CTNNAL1: variants seen among roughly 807,000 people sequenced by gnomAD.
CTNNAL1 encodes catenin alpha like 1, also known as alpha-catulin.
CTNNAL1 carries 69 observed loss-of-function variants against 93.6 expected under a neutral mutation model. The observed-to-expected ratio is 0.74, with a 90% CI of 0.61 to 0.90. The LOEUF is 0.90. Among genes scored for constraint, CTNNAL1 ranks in the 40% least tolerant of loss-of-function variants. The pLI is 0.00. For missense variants in CTNNAL1, 836 were observed against 862.0 expected (o/e 0.97, Z 0.38); for synonymous variants, 286 against 305.4 (o/e 0.94, Z 0.66).
At chr9:109,009,778 C>G (rs891292491) in intron 1 of CTNNAL1, among the ~76,000 whole-genome samples, 2 of 152,168 alleles carry the variant, frequency 1.3e-5, no homozygotes, top group Admixed American at 1.3e-4. Context: ...ATAGGGATAA[C>G]TGATATGTCT....
intron 10 of CTNNAL1, among the ~76,000 whole-genome samples, chr9:108,969,099 G>A (rs1256544613): frequency 6.6e-6 from 1 of 151,822 alleles, no homozygotes; most frequent in Non-Finnish European, 1.5e-5. Flanking sequence ...GTGAAACCCT[G>A]TCTCTACTAA....
At chr9:108,992,410 A>C (rs912463503) in intron 3 of CTNNAL1, among the ~76,000 whole-genome samples, 2 of 151,386 alleles carry the variant, frequency 1.3e-5, no homozygotes, top group Non-Finnish European at 2.9e-5. Context: ...TTTTTTAAGC[A>C]ACGCTCAGAC....
At chr9:108,972,120 T>C (rs999266884) in intron 9 of CTNNAL1, among the ~76,000 whole-genome samples, 1 of 152,144 alleles carries the variant, frequency 6.6e-6, no homozygotes, top group Non-Finnish European at 1.5e-5. Context: ...CCTTGGGCTG[T>C]CTCTGGGCCT....
At chr9:108,987,096 C>T (rs947582224) in intron 4 of CTNNAL1, among the ~76,000 whole-genome samples, 4 of 152,056 alleles carry the variant, frequency 2.6e-5, no homozygotes, top group African/African-American at 9.7e-5. Flanking sequence ...GACATGAAGT[C>T]CTTGCCCATG....
intron 15 of CTNNAL1, among the ~76,000 whole-genome samples, chr9:108,945,463 CT>C (rs578073650): frequency 2.4e-3 from 323 of 135,416 alleles, no homozygotes; most frequent in Middle Eastern, 3.8e-3. Context: ...GGTTTTCTTC[CT>C]TTTTTTTTTT....
chr9:109,004,797 A>T (rs1826965912), intron 1 of CTNNAL1, among the ~76,000 whole-genome samples: 1 of 152,034 alleles, frequency 6.6e-6, no homozygotes, highest in Non-Finnish European at 1.5e-5. Flanking sequence ...AAAAAAATAA[A>T]TAAATAAATA....
rs1033019745 is a variant in CTNNAL1, at chr9:108,954,209, C to T, written c.1629+1581G>A. On this transcript the variant is annotated intron_variant, in intron 12 of 18. Coordinates refer to ENST00000325551, the MANE Select transcript of CTNNAL1 (RefSeq NM_003798.4). ...ATTTTGGAATGCAGTCAGATTCATT[C>T]GTTTCAGTTATATAAAGCTAAAAGA... Among the ~76,000 whole-genome samples, 13 of 152,104 alleles carry T rather than the reference C, an allele frequency of 8.5e-5. No homozygotes were observed. The South Asian group carries it at 1.2e-3, about 15-fold the overall frequency.
intron 6 of CTNNAL1, among the ~76,000 whole-genome samples, chr9:108,982,834 T>A (rs1250931269): frequency 6.6e-6 from 1 of 152,204 alleles, no homozygotes; most frequent in Non-Finnish European, 1.5e-5. Flanking sequence ...TCCCAGCACT[T>A]TGGGAGGCCC....
chr9:108,996,249 A>C (rs1832014088), intron 2 of CTNNAL1, among the ~76,000 whole-genome samples: 3 of 152,128 alleles, frequency 2.0e-5, no homozygotes, highest in African/African-American at 7.2e-5. Context: ...GGTGTGAGCA[A>C]CTGCACCCAG....
At chr9:108,953,646 A>G (rs1357747546) in intron 12 of CTNNAL1, among the ~76,000 whole-genome samples, 6 of 152,196 alleles carry the variant, frequency 3.9e-5, no homozygotes, top group Non-Finnish European at 8.8e-5. Context: ...ACTTCTGACC[A>G]ACTATTCTGT....
chr9:109,009,585 T>C (rs1352164283), intron 1 of CTNNAL1, among the ~76,000 whole-genome samples: 2 of 152,148 alleles, frequency 1.3e-5, no homozygotes, highest in Admixed American at 6.5e-5. Flanking sequence ...GATACCCACA[T>C]TGTCTTAATT....
intron 7 of CTNNAL1, among the ~76,000 whole-genome samples, chr9:108,978,387 C>T (rs896895900): frequency 1.3e-5 from 2 of 152,230 alleles, no homozygotes; most frequent in Non-Finnish European, 2.9e-5. Flanking sequence ...ACAAGGAAAT[C>T]AACTGCTCCT....
chr9:108,967,024 T>C (rs1196158636), intron 10 of CTNNAL1, among the ~76,000 whole-genome samples: 2 of 152,198 alleles, frequency 1.3e-5, no homozygotes, highest in East Asian at 1.9e-4. Context: ...AGCAGATCCT[T>C]TCCCTTCTAC....
In CTNNAL1 at chr9:108,952,302, C is replaced by T. The variant is rs374633480; in HGVS notation, c.1742G>A (p.Cys581Tyr). 2.5e-6 allele frequency: 4 copies of T among 1,614,234 alleles called. No homozygotes were observed. In the Admixed American group the frequency reaches 6.7e-5, roughly 27 times the overall value. The change falls in exon 14 of 19, where the codon TGC (cysteine) becomes TAC (tyrosine). Residue 581 changes from cysteine (C) to tyrosine (Y), a missense_variant. Cys to Tyr is a radical substitution (Grantham distance 194). Coordinates refer to ENST00000325551, the MANE Select transcript of CTNNAL1 (RefSeq NM_003798.4). ...CTGATCTTCCCACTTCTCAATTTCG[C>T]AGTCAGCGTCAGAGGTGAGCAAACC... ...KLGLLTSDAD[C>Y]EIEKWEDQEN... is the part of the protein sequence containing the mutation.
intron 4 of CTNNAL1, among the ~76,000 whole-genome samples, chr9:108,985,721 T>G (rs72607157): frequency 0.22 from 33,794 of 152,120 alleles, 4,607 homozygotes; most frequent in East Asian, 0.3. Context: ...TTCCACCCAT[T>G]CCTCTTGTCT....
intron 11 of CTNNAL1, among the ~76,000 whole-genome samples, chr9:108,956,198 C>T (rs541761349): frequency 1.3e-5 from 2 of 152,156 alleles, no homozygotes; most frequent in East Asian, 1.9e-4. Context: ...CCAGTATCAG[C>T]GCTTCTTCCA....
At chr9:108,953,520 T>TAAAAC (rs3838724) in intron 12 of CTNNAL1, among the ~76,000 whole-genome samples, 33,596 of 151,922 alleles carry the variant, frequency 0.22, 4,519 homozygotes, top group East Asian at 0.3. Flanking sequence ...TAAATTACAA[T>TAAAAC]AAAACAAAAC....
chr9:108,999,126 T>G lies in CTNNAL1; in HGVS notation c.272A>C (p.Asn91Thr), dbSNP rs28361109. Reference sequence around the variant, plus strand: ...TTCTTCTTTCAAATCCCAGTTTTCATTGGCTATAGCTTCTCCTACTTTAAC... The same window carrying G: ...TTCTTCTTTCAAATCCCAGTTTTCAGTGGCTATAGCTTCTCCTACTTTAAC... ...RFVKVGEAIA[N>T]ENWDLKEEIN... The change falls in exon 2 of 19, where the codon AAT becomes ACT. Residue 91 changes from asparagine to threonine, a missense_variant. Asn to Thr is a moderately conservative substitution (Grantham distance 65, BLOSUM62 0). Coordinates refer to ENST00000325551, the MANE Select transcript of CTNNAL1 (RefSeq NM_003798.4). The G allele has an allele frequency of 1.4e-3, 2,223 of 1,612,830 alleles. 44 individuals are homozygous for G. The South Asian group carries it at 0.023, about 16-fold the overall frequency.
intron 1 of CTNNAL1, among the ~76,000 whole-genome samples, chr9:109,012,290 CA>C (rs1435815120): frequency 2.6e-5 from 4 of 152,162 alleles, no homozygotes; most frequent in Non-Finnish European, 5.9e-5. Context: ...CATGTTTAAG[CA>C]GGGTACTGGT....
Sources: allele counts gnomAD v4.1 joint callset (sites outside exome capture counted in the v4.1 genomes callset), GRCh38; gene constraint gnomAD v4.1.1; transcripts MANE v1.5; gene names NCBI Gene and HGNC (gene_info 2026-07-23, HGNC 2026-07-21).